FAM76B: variants seen among roughly 807,000 people sequenced by gnomAD.
The protein encoded by FAM76B is family with sequence similarity 76 member B.
Under a neutral mutation model 51.8 loss-of-function variants are expected in FAM76B, and 16 were observed. The ratio of observed to expected loss-of-function variants is 0.31; its 90% CI spans 0.21 to 0.47. FAM76B has a LOEUF of 0.47. FAM76B is among the 20% of genes least tolerant of loss of function. The probability of loss-of-function intolerance (pLI) is 1.00; values close to 1 mark genes in which losing one functional copy is unlikely to be tolerated. For missense variants in FAM76B, 342 were observed against 392.6 expected (o/e 0.87, Z 1.09); for synonymous variants, 166 against 129.5 (o/e 1.28, Z -1.91).
At chr11:95,772,330 A>G (rs1859803803) in intron 9 of FAM76B, among the ~76,000 whole-genome samples, 1 of 151,146 alleles carries the variant, frequency 6.6e-6, no homozygotes, top group South Asian at 2.1e-4. Flanking sequence ...ATTTTTACAA[A>G]GATTCAAAAT....
At chr11:95,780,019 T>A in intron 5 of FAM76B, 93 bp from the exon 6 acceptor site, 1 of 1,162,092 alleles carries the variant, frequency 8.6e-7, no homozygotes, top group Admixed American at 2.4e-5. Context: ...AAATTTTATG[T>A]TTATAATATT....
chr11:95,779,345 GATAAAA>G, intron 7 of FAM76B: 1 of 510,796 alleles, frequency 2.0e-6, no homozygotes, highest in Non-Finnish European at 3.3e-6. Context: ...GAAGAATAAA[GATAAAA>G]ATAATGTTCT....
intron 9 of FAM76B, among the ~76,000 whole-genome samples, chr11:95,772,371 AT>A (rs1859805620): frequency 6.6e-6 from 1 of 151,220 alleles, no homozygotes; most frequent in African/African-American, 2.4e-5. Flanking sequence ...GAATTTCATT[AT>A]TAAATGTCCA....
At chr11:95,786,602 T>C in intron 3 of FAM76B, 1 of 178,908 alleles carries the variant, frequency 5.6e-6, no homozygotes, top group Non-Finnish European at 1.2e-5. Context: ...AGAAGTCTCA[T>C]GAATCAAGAA....
intron 8 of FAM76B, among the ~76,000 whole-genome samples, chr11:95,778,077 A>C (rs915991603): frequency 2.6e-5 from 4 of 151,464 alleles, no homozygotes; most frequent in Admixed American, 6.6e-5. Flanking sequence ...AGGTCCAAAG[A>C]AGCACACATT....
intron 9 of FAM76B, among the ~76,000 whole-genome samples, chr11:95,774,461 A>G (rs1859908739): frequency 6.6e-6 from 1 of 151,352 alleles, no homozygotes; most frequent in Non-Finnish European, 1.5e-5. Context: ...AAAAACCAAC[A>G]CACAAACTGC....
At chr11:95,787,090 G>A (rs1306477976) in intron 3 of FAM76B, among the ~76,000 whole-genome samples, 1 of 152,148 alleles carries the variant, frequency 6.6e-6, no homozygotes, top group African/African-American at 2.4e-5. Flanking sequence ...CTAAAGAACA[G>A]CTTCACAAAT....
At chr11:95,771,817 A>C (rs1859779139) in intron 9 of FAM76B, among the ~76,000 whole-genome samples, 167 bp from the exon 10 acceptor site, 1 of 151,220 alleles carries the variant, frequency 6.6e-6, no homozygotes, top group Non-Finnish European at 1.5e-5. Flanking sequence ...TTAAGGATGA[A>C]CATGCAGAAG....
chr11:95,785,986 A>C (rs1489051055), intron 4 of FAM76B, 133 bp downstream of exon 4: 3 of 1,034,728 alleles, frequency 2.9e-6, no homozygotes, highest in Non-Finnish European at 2.8e-6. Context: ...CTATTCCTGC[A>C]CTTTCATCTA....
chr11:95,787,241 T>A (rs1332281824), intron 3 of FAM76B, among the ~76,000 whole-genome samples: 3 of 151,744 alleles, frequency 2.0e-5, no homozygotes, highest in African/African-American at 7.3e-5. Context: ...TAGCAGTAGT[T>A]TTTTTTTTTC....
chr11:95,789,136 AC>A (rs1022207136), intron 1 of FAM76B: 4 of 1,290,108 alleles, frequency 3.1e-6, no homozygotes, highest in Non-Finnish European at 4.1e-6. Context: ...CACTCCTGAG[AC>A]CCCCAGACGC....
chr11:95,779,776 G>A (rs1330521943), intron 6 of FAM76B, 89 bp from the exon 7 acceptor site: 3 of 1,555,552 alleles, frequency 1.9e-6, no homozygotes, highest in East Asian at 4.6e-5. Context: ...AAATATTACT[G>A]AAAATACTGA....
In FAM76B at chr11:95,771,518, C is replaced by G. The variant is rs746381454; in HGVS notation, c.*43G>C. 6.5e-7 allele frequency: 1 copy of G among 1,540,894 alleles called. No homozygotes were observed. The highest frequency in any genetic ancestry group is 1.2e-5 in the South Asian group (1 of 85,776). On this transcript the variant is annotated 3_prime_UTR_variant, in exon 10 of 10. Transcript: ENST00000358780. ...AAGGGCTTCACAGAATTTTTTTTCCCCAAATTTACATTGTAAGAAGAAATG... is the reference window on the plus strand; with the variant it reads ...AAGGGCTTCACAGAATTTTTTTTCCGCAAATTTACATTGTAAGAAGAAATG...
chr11:95,786,493 T>A (rs998556861), intron 3 of FAM76B: 2 of 445,348 alleles, frequency 4.5e-6, no homozygotes, highest in Non-Finnish European at 7.9e-6. Flanking sequence ...TACTCTAAGA[T>A]CGTGAGAAAT....
At chr11:95,778,288 A>C (rs1178689806) in intron 8 of FAM76B, among the ~76,000 whole-genome samples, 1 of 151,416 alleles carries the variant, frequency 6.6e-6, no homozygotes, top group Non-Finnish European at 1.5e-5. Context: ...ATTCCTCTTC[A>C]TTTAACTGAT....
chr11:95,786,541 A>G (rs555328721), intron 3 of FAM76B: 1 of 282,728 alleles, frequency 3.5e-6, no homozygotes, highest in Non-Finnish European at 6.5e-6. Context: ...ATAATACAAA[A>G]ACTACACATA....
Position 95,789,527 on chromosome 11 carries a change from C to T in FAM76B, c.-49G>A. On this transcript the variant is annotated 5_prime_UTR_variant, in exon 1 of 10. Transcript: ENST00000358780. ...GCCGCCGCCCGCTCCGAGGCGGGGC[C>T]CTACGGAGAACCCGAGAGCCGCCGC... 3 of 1,528,062 alleles carry T rather than the reference C, an allele frequency of 2.0e-6. No individual in the cohort carries two copies. Among genetic ancestry groups the T allele is most frequent in the Non-Finnish European group, 2.7e-6 (3 of 1,128,664 alleles). 94.7% of individuals were successfully genotyped at this position (1,528,062 alleles called of 1,614,324 possible).
intron 8 of FAM76B, 149 bp downstream of exon 8, chr11:95,778,673 A>G (rs1409994715): frequency 1.1e-6 from 1 of 919,048 alleles, no homozygotes; most frequent in Non-Finnish European, 1.5e-6. Context: ...TCTTCATTAG[A>G]TGGCTTCAGG....
At chr11:95,788,626 A>G in intron 1 of FAM76B, 63 bp from the exon 2 acceptor site, 1 of 1,512,332 alleles carries the variant, frequency 6.6e-7, no homozygotes, top group Non-Finnish European at 9.1e-7. Flanking sequence ...CTTTTCTGGT[A>G]GAAAACTGTT....
Sources: allele counts gnomAD v4.1 joint callset (sites outside exome capture counted in the v4.1 genomes callset), GRCh38; gene constraint gnomAD v4.1.1; transcripts MANE v1.5; gene names NCBI Gene and HGNC (gene_info 2026-07-23, HGNC 2026-07-21).